Variants in MAP7 observed in about 807,000 individuals in gnomAD.
The protein encoded by MAP7 is microtubule associated protein 7, also known as ensconsin.
MAP7 carries 52 observed loss-of-function variants against 94.8 expected under a neutral mutation model. That is an observed-to-expected ratio of 0.55 (90% CI 0.44 to 0.69). The LOEUF (loss-of-function observed/expected upper bound fraction) is 0.69. Among genes scored for constraint, MAP7 ranks in the 30% least tolerant of loss-of-function variants. MAP7 has a pLI of 0.00. For missense variants in MAP7, 940 were observed against 964.6 expected, an observed-to-expected ratio of 0.97 and a Z score of 0.34; for synonymous variants, 350 against 357.0, an observed-to-expected ratio of 0.98 and a Z score of 0.22.
Position 136,550,353 on chromosome 6 carries a change from C to A in MAP7, c.56G>T (p.Arg19Leu). 1 of 1,526,130 alleles carries A rather than the reference C, an allele frequency of 6.6e-7. No individual in the cohort carries two copies. Among genetic ancestry groups the A allele is most frequent in the Non-Finnish European group, 8.7e-7 (1 of 1,145,052 alleles). 94.5% of individuals were successfully genotyped at this position (1,526,130 alleles called of 1,614,324 possible). Residue 19 changes from arginine to leucine, a missense_variant, in exon 1 of 18, where the codon CGA (arginine) becomes CTA (leucine). Physicochemically the swap from Arg to Leu is moderately radical, Grantham distance 102. Coordinates refer to ENST00000354570, the MANE Select transcript of MAP7 (RefSeq NM_003980.6). This position sits in a 1 kb window ranked among gnomAD's most constrained non-coding sequence, Gnocchi z 5.1. ...CGCTGTGCGGTCACCTGTTTCGCTT[C>A]GCACTGCGCCGTCGCCGCCCCTGTG... is the stretch of plus-strand genomic sequence containing the variant. Reference protein sequence around the residue: ...DGHRGGDGAVRSETAPDSYKV... With the variant: ...DGHRGGDGAVLSETAPDSYKV...
intron 2 of MAP7, chr6:136,420,257 A>G: frequency 1.0e-6 from 1 of 960,368 alleles, no homozygotes. Flanking sequence ...GCGCCAGGTA[A>G]AACATCGCAG....
chr6:136,512,954 C>T (rs1348853302), intron 1 of MAP7, among the ~76,000 whole-genome samples: 1 of 151,970 alleles, frequency 6.6e-6, no homozygotes, highest in East Asian at 1.9e-4. Context: ...GCATCAGCCT[C>T]TCAAGTTGCT....
intron 1 of MAP7, among the ~76,000 whole-genome samples, chr6:136,545,768 T>G (rs1384183407): frequency 1.3e-5 from 2 of 152,142 alleles, no homozygotes; most frequent in East Asian, 3.8e-4. Flanking sequence ...ATTTAATTTT[T>G]TTTTATTTTT....
At chr6:136,427,028 G>A (rs1012785817) in intron 1 of MAP7, among the ~76,000 whole-genome samples, 1 of 152,238 alleles carries the variant, frequency 6.6e-6, no homozygotes, top group Non-Finnish European at 1.5e-5. Flanking sequence ...AACTAGTCAG[G>A]TTCTTCCACT....
chr6:136,503,467 T>C (rs754288884), intron 1 of MAP7, among the ~76,000 whole-genome samples: 3 of 152,056 alleles, frequency 2.0e-5, no homozygotes, highest in Non-Finnish European at 4.4e-5. Context: ...GCCATGTCAA[T>C]GGAGATGATA....
intron 13 of MAP7, among the ~76,000 whole-genome samples, chr6:136,360,379 C>T (rs774759598): frequency 1.7e-4 from 26 of 152,122 alleles, no homozygotes; most frequent in Non-Finnish European, 2.4e-4. Flanking sequence ...CTCCTGACTT[C>T]GGTGATCTAC....
chr6:136,498,640 C>T (rs758885033), intron 1 of MAP7, among the ~76,000 whole-genome samples: 2 of 151,810 alleles, frequency 1.3e-5, no homozygotes, highest in Non-Finnish European at 2.9e-5. Context: ...CAAACATCAC[C>T]TAAGAGTTTG....
chr6:136,411,615 G>C lies in MAP7; in HGVS notation c.244+5C>G. 1 of 1,557,388 alleles carries C rather than the reference G, an allele frequency of 6.4e-7. No homozygotes were observed. The highest frequency in any genetic ancestry group is 8.7e-7 in the Non-Finnish European group (1 of 1,149,634). ...TCAGGGCCATGGACACGGGGCCTGG[G>C]GTACCTAGCTGTTTCTCCCGTTCCT... On this transcript the variant is annotated splice_donor_5th_base_variant and intron_variant, in intron 3 of 17. Transcript: ENST00000354570.
intron 1 of MAP7, among the ~76,000 whole-genome samples, chr6:136,481,929 A>G (rs1290895785): frequency 6.6e-6 from 1 of 152,228 alleles, no homozygotes; most frequent in African/African-American, 2.4e-5. Context: ...AATTATTAAC[A>G]TTTGAAAAAT....
chr6:136,437,202 T>C (rs952152729), intron 1 of MAP7, among the ~76,000 whole-genome samples: 4 of 152,224 alleles, frequency 2.6e-5, no homozygotes, highest in African/African-American at 9.6e-5. Context: ...TCTTCCACCC[T>C]TTAGCTTCAC....
intron 1 of MAP7, among the ~76,000 whole-genome samples, chr6:136,440,548 T>C (rs969303968): frequency 6.6e-6 from 1 of 152,224 alleles, no homozygotes; most frequent in Admixed American, 6.5e-5. Flanking sequence ...ACTTATTTTG[T>C]AAATGAAAAA....
chr6:136,479,257 C>G (rs1012198826), intron 1 of MAP7, among the ~76,000 whole-genome samples: 1 of 152,044 alleles, frequency 6.6e-6, no homozygotes, highest in Non-Finnish European at 1.5e-5. Flanking sequence ...AAATAAAAAA[C>G]CACATAATTA....
chr6:136,508,194 G>A (rs1053513073), intron 1 of MAP7, among the ~76,000 whole-genome samples: 6 of 151,972 alleles, frequency 3.9e-5, no homozygotes, highest in South Asian at 2.1e-4. Context: ...GCATGGTGGC[G>A]CATGCCTGTA....
chr6:136,546,354 A>T (rs1375661308), intron 1 of MAP7, among the ~76,000 whole-genome samples: 1 of 95,662 alleles, frequency 1.0e-5, no homozygotes, highest in Non-Finnish European at 2.1e-5. Context: ...CCTCCCTGCC[A>T]CCTCCCACCC....
intron 1 of MAP7, among the ~76,000 whole-genome samples, chr6:136,477,443 G>A (rs1811287927): frequency 6.6e-6 from 1 of 152,102 alleles, no homozygotes. Context: ...AAGATATTGG[G>A]ACAAATGATG....
rs112837855 is a variant in MAP7, at chr6:136,360,266, C to T, written c.1804-235G>A. Among the ~76,000 whole-genome samples, 543 of 152,002 alleles carry T rather than the reference C, an allele frequency of 3.6e-3. 4 individuals carry two copies. Among genetic ancestry groups the T allele is most frequent in the African/African-American group, 0.012 (507 of 41,474 alleles). On this transcript the variant is annotated intron_variant, in intron 13 of 17. Coordinates refer to ENST00000354570, the MANE Select transcript of MAP7 (RefSeq NM_003980.6). Reference sequence around the variant, plus strand: ...CCTCCTGGGCGCAAGCTGCCTCAGTCTCCCAGGTAGCTGGGATTACAGGCG... The same window carrying T: ...CCTCCTGGGCGCAAGCTGCCTCAGTTTCCCAGGTAGCTGGGATTACAGGCG...
chr6:136,350,788 G>A (rs944983721), intron 16 of MAP7, among the ~76,000 whole-genome samples: 1 of 152,166 alleles, frequency 6.6e-6, no homozygotes, highest in Admixed American at 6.6e-5. Context: ...GAGCCAGGAG[G>A]TAGAGGCTGC....
intron 1 of MAP7, among the ~76,000 whole-genome samples, chr6:136,481,671 A>C (rs2128965807): frequency 6.6e-6 from 1 of 152,330 alleles, no homozygotes; most frequent in South Asian, 2.1e-4. Context: ...GGTACAGAAA[A>C]ATAACTAGAA....
At chr6:136,363,285 G>A (rs1215917863) in intron 10 of MAP7, among the ~76,000 whole-genome samples, 1 of 152,206 alleles carries the variant, frequency 6.6e-6, no homozygotes, top group Non-Finnish European at 1.5e-5. Context: ...ATGCAAGATG[G>A]GAGCAGAAGT....
Sources: allele counts gnomAD v4.1 joint callset (sites outside exome capture counted in the v4.1 genomes callset), GRCh38; gene constraint gnomAD v4.1.1; non-coding constraint Gnocchi (gnomAD v3.1); transcripts MANE v1.5; gene names NCBI Gene and HGNC (gene_info 2026-07-23, HGNC 2026-07-21).